The following OPCML variants were observed in gnomAD, a reference collection of about 807,000 sequenced individuals.
OPCML encodes opioid-binding protein/cell adhesion molecule.
Under a neutral mutation model 37.8 loss-of-function variants are expected in OPCML, and 13 were observed. That is an observed-to-expected ratio of 0.34 (90% CI 0.22 to 0.55). OPCML has a LOEUF of 0.55. Ranked by LOEUF, OPCML falls within the 20% of genes least tolerant of loss-of-function variation. The pLI is 0.91. For synonymous variants in OPCML, 176 were observed against 168.8 expected (o/e 1.04, Z -0.33); for missense variants, 341 against 435.6 (o/e 0.78, Z 1.93).
intron 2 of OPCML, among the ~76,000 whole-genome samples, chr11:132,718,107 C>G (rs78444879): frequency 6.6e-6 from 1 of 152,088 alleles, no homozygotes; most frequent in Non-Finnish European, 1.5e-5. Flanking sequence ...AAGCCAACAG[C>G]CAACTCGGTA....
At chr11:133,140,916 A>ACGAAGAC (rs1949790943) in intron 1 of OPCML, among the ~76,000 whole-genome samples, 3 of 16,266 alleles carry the variant, frequency 1.8e-4, no homozygotes, top group Non-Finnish European at 1.7e-4. Context: ...ACGAAGAAGA[A>ACGAAGAC]GAAGACGACG....
intron 1 of OPCML, among the ~76,000 whole-genome samples, chr11:133,020,701 C>A (rs1184265840): frequency 6.6e-6 from 1 of 152,116 alleles, no homozygotes; most frequent in African/African-American, 2.4e-5. Context: ...TTGGCTGATA[C>A]CTGCACACAC....
chr11:132,810,336 T>C (rs1368784210), intron 2 of OPCML, among the ~76,000 whole-genome samples: 1 of 152,130 alleles, frequency 6.6e-6, no homozygotes, highest in Non-Finnish European at 1.5e-5. Flanking sequence ...CTTGCCTAGG[T>C]GGATACAGGT....
At chr11:132,851,791 C>T (rs1195113489) in intron 2 of OPCML, among the ~76,000 whole-genome samples, 1 of 152,132 alleles carries the variant, frequency 6.6e-6, no homozygotes, top group Admixed American at 6.5e-5. Flanking sequence ...TAACACCCAA[C>T]TAGATCTTTT....
intron 1 of OPCML, among the ~76,000 whole-genome samples, chr11:133,346,462 G>C (rs1320221869): frequency 6.6e-6 from 1 of 152,154 alleles, no homozygotes; most frequent in Non-Finnish European, 1.5e-5. Context: ...ATGCTACTAG[G>C]GGACTACAGA....
Position 133,451,311 on chromosome 11 carries a change from A to G in OPCML, c.61+80953T>C, listed in dbSNP as rs967154669. On this transcript the variant is annotated intron_variant, in intron 1 of 7. Transcript: ENST00000524381. ...CAGGGAAATGCTGAGGAAAATTTACACTTAGAAGAAGGAAATGGGATGATG... is the reference window on the plus strand; with the variant it reads ...CAGGGAAATGCTGAGGAAAATTTACGCTTAGAAGAAGGAAATGGGATGATG... Among the ~76,000 whole-genome samples, 54 of 151,830 alleles carry G rather than the reference A, an allele frequency of 3.6e-4. 1 individual carries two copies. The highest frequency in any genetic ancestry group is 1.3e-3 in the African/African-American group (53 of 41,070).
At chr11:133,245,834 G>A (rs528996301) in intron 1 of OPCML, among the ~76,000 whole-genome samples, 5 of 152,214 alleles carry the variant, frequency 3.3e-5, no homozygotes, top group East Asian at 1.9e-4. Context: ...GGATAAAGCC[G>A]GAAACCATCT....
rs1010093716 is a variant in OPCML at position 133,208,207 on chromosome 11, C to T, written c.62-265197G>A. 2.0e-5 allele frequency among the ~76,000 whole-genome samples: 3 copies of T among 152,176 alleles called. No individual in the cohort carries two copies. The highest frequency in any genetic ancestry group is 4.4e-5 in the Non-Finnish European group (3 of 68,026). ...TGTCTATCTTGCTCACCATTTATCTCAAGCATTTAGCTTATTGCTTAGCAC... is the reference window on the plus strand; with the variant it reads ...TGTCTATCTTGCTCACCATTTATCTTAAGCATTTAGCTTATTGCTTAGCAC... On this transcript the variant is annotated intron_variant, in intron 1 of 7. Transcript: ENST00000524381. The surrounding 1 kb of genome is among the most constrained non-coding windows in gnomAD (Gnocchi z 8.9).
At chr11:132,479,073 AGC>A (rs1223524631) in intron 4 of OPCML, among the ~76,000 whole-genome samples, 2 of 152,204 alleles carry the variant, frequency 1.3e-5, no homozygotes, top group African/African-American at 4.8e-5. Flanking sequence ...TACAGCTCCC[AGC>A]CTGAGTGACG....
chr11:133,073,621 C>T (rs1273166721), intron 1 of OPCML, among the ~76,000 whole-genome samples: 2 of 152,202 alleles, frequency 1.3e-5, no homozygotes, highest in Non-Finnish European at 2.9e-5. Context: ...CCTGAGTTCT[C>T]CACGTGCAGA....
At chr11:132,909,529 G>A (rs961146075) in intron 2 of OPCML, among the ~76,000 whole-genome samples, 3 of 152,136 alleles carry the variant, frequency 2.0e-5, no homozygotes, top group Admixed American at 6.5e-5. Flanking sequence ...CCCTTCTACC[G>A]CTGCCATCTG....
intron 1 of OPCML, chr11:133,005,541 G>A (rs1236789189): frequency 1.0e-6 from 1 of 985,102 alleles, no homozygotes; most frequent in Admixed American, 6.2e-5. Context: ...CATTTCCATA[G>A]CTAAGACATA....
chr11:133,160,767 AC>A (rs1305789680), intron 1 of OPCML, among the ~76,000 whole-genome samples: 1 of 152,156 alleles, frequency 6.6e-6, no homozygotes, highest in Non-Finnish European at 1.5e-5. Context: ...CATGGACTGG[AC>A]TTGCTCCTGT....
intron 1 of OPCML, chr11:133,418,070 T>C: frequency 1.0e-6 from 1 of 985,368 alleles, no homozygotes; most frequent in Non-Finnish European, 1.2e-6. Context: ...AACACAGTGC[T>C]ACTTACAAAG....
intron 2 of OPCML, among the ~76,000 whole-genome samples, chr11:132,777,662 A>G (rs1591595978): frequency 6.6e-6 from 1 of 152,324 alleles, no homozygotes; most frequent in Admixed American, 6.5e-5. Context: ...CAGCGCCAAA[A>G]AGATAAATCG....
chr11:133,261,210 T>G (rs1941485052), intron 1 of OPCML, among the ~76,000 whole-genome samples: 1 of 152,244 alleles, frequency 6.6e-6, no homozygotes, highest in Non-Finnish European at 1.5e-5. Context: ...GGCCTGAGAC[T>G]ACGTCACATC....
intron 1 of OPCML, chr11:133,360,147 T>C (rs1944381501): frequency 6.6e-6 from 1 of 152,360 alleles, no homozygotes; most frequent in African/African-American, 2.4e-5. Flanking sequence ...CCCATCAGGA[T>C]GGGTTATCCA....
chr11:133,458,651 A>C lies in OPCML; in HGVS notation c.61+73613T>G, dbSNP rs1946772815. 1.5e-5 allele frequency among the ~76,000 whole-genome samples: 2 copies of C among 132,632 alleles called. 1 individual carries two copies. Among genetic ancestry groups the C allele is most frequent in the Non-Finnish European group, 3.0e-5 (2 of 66,694 alleles). The allele number at this position is 132,632 out of a possible 152,430, so 87.0% of individuals were successfully genotyped here. On this transcript the variant is annotated intron_variant, in intron 1 of 7. Transcript: ENST00000524381. ...TGTGTGTGTATATACACATAGATGC[A>C]CGTGTGTGTGTATATATACACATAG...
At chr11:133,374,208 T>C (rs1944746386) in intron 1 of OPCML, among the ~76,000 whole-genome samples, 1 of 152,140 alleles carries the variant, frequency 6.6e-6, no homozygotes, top group African/African-American at 2.4e-5. Context: ...GAAATAATTA[T>C]GTTCAATGAA....
Sources: gnomAD v4.1 joint callset for allele counts (sites outside exome capture counted in the v4.1 genomes callset) on GRCh38, gnomAD v4.1.1 for gene constraint, Gnocchi (gnomAD v3.1) non-coding constraint, MANE v1.5 for transcripts, NCBI Gene and HGNC (gene_info 2026-07-23, HGNC 2026-07-21) for gene names.